The following AFF2 variants were observed in gnomAD, a reference collection of about 807,000 sequenced individuals.
AFF2 encodes AF4/FMR2 family member 2.
A neutral mutation model predicts 76.9 loss-of-function variants in AFF2; 14 were observed. The ratio of observed to expected loss-of-function variants is 0.18; its 90% CI spans 0.12 to 0.28. The LOEUF (loss-of-function observed/expected upper bound fraction) is 0.28, where lower values mean the gene tolerates loss of function less well. Ranked by LOEUF, AFF2 falls within the 10% of genes least tolerant of loss-of-function variation. The pLI, the probability that AFF2 is intolerant of heterozygous loss-of-function variation, is 1.00. For synonymous variants in AFF2, 398 were observed against 366.7 expected, an observed-to-expected ratio of 1.09 and a Z score of -0.98; for missense variants, 868 against 1,001.1, an observed-to-expected ratio of 0.87 and a Z score of 1.79.
At chrX:148,816,340 C>G (rs1246991615) in intron 4 of AFF2, among the ~76,000 whole-genome samples, 2 of 111,617 alleles carry the variant, frequency 1.8e-5, no homozygotes, top group East Asian at 5.7e-4. Flanking sequence ...TGTCCCTTCT[C>G]TCGTTTGTCA....
At chrX:148,986,235 TACTC>T (rs2072469862) in intron 19 of AFF2, among the ~76,000 whole-genome samples, 1 of 112,401 alleles carries the variant, frequency 8.9e-6, no homozygotes, top group African/African-American at 3.2e-5. Flanking sequence ...CCATTTCATT[TACTC>T]ACTCATTATG....
intron 3 of AFF2, among the ~76,000 whole-genome samples, chrX:148,800,715 T>C (rs1557270850): frequency 8.9e-6 from 1 of 111,780 alleles, no homozygotes; most frequent in Non-Finnish European, 1.9e-5. Flanking sequence ...TCCCACTTTT[T>C]TTTTCCCATG....
At chrX:148,962,994 A>G (rs1388337332) in intron 13 of AFF2, 57 bp downstream of exon 13, 1 of 814,230 alleles carries the variant, frequency 1.2e-6, no homozygotes, top group East Asian at 3.3e-5. Context: ...TAACCAGCTC[A>G]TCTAACTTGA....
intron 1 of AFF2, among the ~76,000 whole-genome samples, chrX:148,616,772 G>C (rs1422571725): frequency 9.7e-6 from 1 of 102,883 alleles, no homozygotes; most frequent in Non-Finnish European, 2.0e-5. Context: ...CCCTTCCTGT[G>C]CCCATGTGTT....
chrX:148,506,223 T>G (rs1349951241), intron 1 of AFF2, among the ~76,000 whole-genome samples: 2 of 111,881 alleles, frequency 1.8e-5, no homozygotes, highest in African/African-American at 6.5e-5. Flanking sequence ...AGAGCCTGCA[T>G]CATCAACAAC....
At chrX:148,765,161 C>T (rs1414783147) in intron 3 of AFF2, among the ~76,000 whole-genome samples, 1 of 112,262 alleles carries the variant, frequency 8.9e-6, no homozygotes, top group Non-Finnish European at 1.9e-5. Context: ...GCTGGGATTA[C>T]AGGCATGAGC....
chrX:148,773,685 G>GGAAGGAAAGAAAGAAAGAAAGAAAGAAA (rs1376086125), intron 3 of AFF2, among the ~76,000 whole-genome samples: 5 of 51,435 alleles, frequency 9.7e-5, no homozygotes, highest in African/African-American at 2.7e-4. Context: ...AAGGAAGGAA[G>GGAAGGAAAGAAAGAAAGAAAGAAAGAAA]GAAAGAAAGA....
chrX:148,512,858 C>T (rs2052497317), intron 1 of AFF2, among the ~76,000 whole-genome samples: 1 of 111,837 alleles, frequency 8.9e-6, no homozygotes, highest in Admixed American at 9.5e-5. Context: ...CTATCCTAAA[C>T]ATTTGTAGGT....
At chrX:148,674,392 T>C (rs1417509005) in intron 3 of AFF2, among the ~76,000 whole-genome samples, 1 of 111,436 alleles carries the variant, frequency 9.0e-6, no homozygotes, top group Non-Finnish European at 1.9e-5. Context: ...AACAGGAAGA[T>C]GGTTTTTAGA....
intron 1 of AFF2, among the ~76,000 whole-genome samples, chrX:148,644,135 A>G (rs1327237466): frequency 1.8e-5 from 2 of 111,840 alleles, no homozygotes. Context: ...AATGTAAACC[A>G]TGCTCCAATA....
At chrX:148,940,146 A>C (rs919683982) in intron 9 of AFF2, among the ~76,000 whole-genome samples, 4 of 111,704 alleles carry the variant, frequency 3.6e-5, no homozygotes, top group Admixed American at 9.5e-5. Flanking sequence ...CAGACTAGAA[A>C]TTACTCTCAT....
intron 1 of AFF2, chrX:148,546,878 G>T (rs1297906319): frequency 8.9e-6 from 1 of 112,075 alleles, no homozygotes; most frequent in Non-Finnish European, 1.9e-5. Context: ...ATGCAAAAAA[G>T]ATATTACTAC....
chrX:148,942,852 T>C (rs1299715011), intron 9 of AFF2, among the ~76,000 whole-genome samples: 5 of 109,286 alleles, frequency 4.6e-5, no homozygotes, highest in Non-Finnish European at 7.6e-5. Flanking sequence ...AAAAGAACAT[T>C]GGATTGGCAA....
intron 9 of AFF2, among the ~76,000 whole-genome samples, chrX:148,916,400 C>CG (rs1557282611): frequency 9.3e-6 from 1 of 107,325 alleles, no homozygotes; most frequent in Non-Finnish European, 1.9e-5. Context: ...TTGGTAGAGA[C>CG]GGGGTTTCAC....
intron 1 of AFF2, among the ~76,000 whole-genome samples, chrX:148,616,773 C>T (rs7473770): frequency 0.25 from 25,544 of 102,374 alleles, 2,997 homozygotes; most frequent in African/African-American, 0.39. Context: ...CCTTCCTGTG[C>T]CCATGTGTTC....
rs1356320194 is a variant in AFF2 at position 148,998,748 on chromosome X, GTTTATC to G, written c.*7420_*7425del. The stretch of plus-strand genomic sequence containing the variant: ...TAGTACTTCAGTCAAGACTTTTTAG[GTTTATC>G]TTTTTTTTTTCATTTCTCCTTTTCC... On this transcript the variant is annotated 3_prime_UTR_variant, in exon 21 of 21. Transcript: ENST00000370460. 3 of 109,458 alleles carry G rather than the reference GTTTATC, an allele frequency of 2.7e-5. No individual in the cohort carries two copies. Among genetic ancestry groups the G allele is most frequent in the Admixed American group, 1.9e-4 (2 of 10,328 alleles). 9.0% of individuals were successfully genotyped at this position (109,458 alleles called of 1,213,427 possible).
At chrX:148,656,736 G>A (rs931472299) in intron 2 of AFF2, among the ~76,000 whole-genome samples, 7 of 109,525 alleles carry the variant, frequency 6.4e-5, no homozygotes, top group Non-Finnish European at 1.1e-4. Flanking sequence ...TCCTGACCTC[G>A]TGATCCGCCC....
intron 3 of AFF2, among the ~76,000 whole-genome samples, chrX:148,752,493 C>T (rs2055513877): frequency 9.0e-6 from 1 of 111,628 alleles, no homozygotes; most frequent in Admixed American, 9.5e-5. Context: ...TCCATCTAGT[C>T]CTAGCCCTGA....
In AFF2 at chrX:148,806,023, A is replaced by C. The variant is rs1325008711; in HGVS notation, c.1042-3853A>C. Among the ~76,000 whole-genome samples the C allele has an allele frequency of 8.9e-5, 10 of 112,472 alleles. No homozygotes were observed. The Admixed American group carries it at 9.4e-4, about 11-fold the overall frequency. The stretch of plus-strand genomic sequence containing the variant: ...TAACTTGCGCTTTGTGGACTATCTG[A>C]ATACTCAAGAGTGGATTTAAAGAGA... On this transcript the variant is annotated intron_variant, in intron 3 of 20. Coordinates refer to ENST00000370460, the MANE Select transcript of AFF2 (RefSeq NM_002025.4).
Sources: gnomAD v4.1 joint callset for allele counts (sites outside exome capture counted in the v4.1 genomes callset) on GRCh38, gnomAD v4.1.1 for gene constraint, MANE v1.5 for transcripts, NCBI Gene and HGNC (gene_info 2026-07-23, HGNC 2026-07-21) for gene names.